ESR2: variants seen among roughly 807,000 people sequenced by gnomAD.
ESR2 encodes estrogen receptor beta.
In ESR2, 36 loss-of-function variants were observed where a neutral mutation model predicts 49.6. That is an observed-to-expected ratio of 0.73 (90% CI 0.56 to 0.96). ESR2 has a LOEUF of 0.96. Ranked by LOEUF, ESR2 falls within the 40% of genes least tolerant of loss-of-function variation. ESR2 has a pLI of 0.00. For synonymous variants in ESR2, 320 were observed against 266.1 expected (o/e 1.20, Z -1.97); for missense variants, 714 against 693.0 (o/e 1.03, Z -0.34).
intron 1 of ESR2, among the ~76,000 whole-genome samples, chr14:64,310,053 T>C (rs1455097377): frequency 1.3e-5 from 2 of 151,896 alleles, no homozygotes; most frequent in Non-Finnish European, 2.9e-5. Flanking sequence ...GCCACTGTAC[T>C]GCAGCCTGGG....
intron 3 of ESR2, among the ~76,000 whole-genome samples, chr14:64,273,094 T>C (rs1386672546): frequency 6.6e-6 from 1 of 152,118 alleles, no homozygotes; most frequent in Admixed American, 6.5e-5. Flanking sequence ...TTCCCAGGTA[T>C]TTTATTTGTA....
chr14:64,274,731 G>A (rs978725155), intron 3 of ESR2, among the ~76,000 whole-genome samples: 1 of 152,082 alleles, frequency 6.6e-6, no homozygotes, highest in Non-Finnish European at 1.5e-5. Flanking sequence ...CTTTTTAGAT[G>A]TAGGCACTTA....
At chr14:64,332,933 G>T (rs2077480789) in intron 1 of ESR2, among the ~76,000 whole-genome samples, 1 of 146,516 alleles carries the variant, frequency 6.8e-6, no homozygotes, top group Non-Finnish European at 1.5e-5. Context: ...GGGTAGGGCA[G>T]TGGCGCGATC....
rs568305168 is a variant in ESR2 at position 64,235,226 on chromosome 14, G to A, written c.1226-76C>T. 425 of 1,496,748 alleles carry A rather than the reference G, an allele frequency of 2.8e-4. 7 individuals carry two copies. The South Asian group carries it at 4.2e-3, about 15-fold the overall frequency. 92.7% of individuals were successfully genotyped at this position (1,496,748 alleles called of 1,614,324 possible). Reference sequence around the variant, plus strand: ...AGTCGTGTGCTCAGCTGTTCCGTGCGCCTGCTCCGAGGTGATCTGGGTTGC... The same window carrying A: ...AGTCGTGTGCTCAGCTGTTCCGTGCACCTGCTCCGAGGTGATCTGGGTTGC... On this transcript the variant is annotated intron_variant, in intron 7 of 8. Coordinates refer to ENST00000341099, the MANE Select transcript of ESR2 (RefSeq NM_001437.3).
chr14:64,334,036 C>T (rs1199505652), intron 1 of ESR2, among the ~76,000 whole-genome samples: 2 of 152,194 alleles, frequency 1.3e-5, no homozygotes, highest in East Asian at 3.9e-4. Flanking sequence ...GCACATATAG[C>T]TTGGAATACC....
At chr14:64,249,131 A>G (rs908109066) in intron 7 of ESR2, among the ~76,000 whole-genome samples, 1 of 152,178 alleles carries the variant, frequency 6.6e-6, no homozygotes, top group Non-Finnish European at 1.5e-5. Context: ...CTCCCTGCCT[A>G]AACTATGAGC....
chr14:64,260,869 C>T, intron 4 of ESR2, 121 bp from the exon 5 acceptor site: 3 of 886,002 alleles, frequency 3.4e-6, no homozygotes, highest in Non-Finnish European at 3.1e-6. Context: ...TGGTCGTGAC[C>T]GTACTAGCAA....
chr14:64,297,673 G>A (rs553099761), upstream of ESR2: 1 of 152,334 alleles, frequency 6.6e-6, no homozygotes, highest in South Asian at 2.1e-4. Context: ...AGATCAGAGG[G>A]AGAATTTTCC....
chr14:64,334,819 G>A (rs568690233), intron 1 of ESR2, among the ~76,000 whole-genome samples: 7 of 152,218 alleles, frequency 4.6e-5, no homozygotes, highest in Non-Finnish European at 8.8e-5. Context: ...GCTAACTTTT[G>A]TATTTTTAGT....
At chr14:64,251,584 A>G (rs2075991170) in intron 6 of ESR2, among the ~76,000 whole-genome samples, 1 of 152,208 alleles carries the variant, frequency 6.6e-6, no homozygotes, top group Admixed American at 6.5e-5. Flanking sequence ...TTTATGTTCC[A>G]AAAATGGGAG....
At chr14:64,233,942 A>G (rs1308546010) in intron 8 of ESR2, 2 of 152,824 alleles carry the variant, frequency 1.3e-5, no homozygotes, top group Non-Finnish European at 2.9e-5. Flanking sequence ...ATGTAAAACC[A>G]TGGCACTAAG....
intron 6 of ESR2, 95 bp downstream of exon 6, chr14:64,257,131 T>G: frequency 3.9e-4 from 447 of 1,143,744 alleles, no homozygotes; most frequent in Non-Finnish European, 5.2e-4. Context: ...CCTGCAAGTG[T>G]GAGATTTTAA....
At chr14:64,280,429 A>G (rs1352207196) in intron 2 of ESR2, among the ~76,000 whole-genome samples, 1 of 152,182 alleles carries the variant, frequency 6.6e-6, no homozygotes, top group Admixed American at 6.5e-5. Flanking sequence ...ACTGCCGAAG[A>G]CCAGTCATAG....
At chr14:64,313,878 C>CA (rs58601573) in intron 1 of ESR2, among the ~76,000 whole-genome samples, 1,404 of 95,756 alleles carry the variant, frequency 0.015, 21 homozygotes, top group African/African-American at 0.038. Context: ...GACTCTGTCT[C>CA]AAAAAAAAAA....
Position 64,260,237 on chromosome 14 carries a change from A to C in ESR2, c.952+212T>G, listed in dbSNP as rs374467714. The C allele has an allele frequency of 2.5e-4, 187 of 759,134 alleles. 4 individuals are homozygous for C. The highest frequency in any genetic ancestry group is 2.0e-3 in the East Asian group (80 of 40,358). 47.0% of individuals were successfully genotyped at this position (759,134 alleles called of 1,614,324 possible). A position where few individuals can be genotyped will look rare whatever the true frequency, so the allele number is the denominator to read the frequency against. The stretch of plus-strand genomic sequence containing the variant: ...TGGGTACAGAACTCAGAAGAGTCTC[A>C]GAATTCTAAATCAGAACACGGCCTT... On this transcript the variant is annotated intron_variant, in intron 5 of 8. Coordinates refer to ENST00000341099, the MANE Select transcript of ESR2 (RefSeq NM_001437.3).
downstream of ESR2, chr14:64,227,370 G>A: frequency 2.8e-6 from 2 of 723,172 alleles, no homozygotes; most frequent in Non-Finnish European, 4.5e-6. Flanking sequence ...TTGTTGGATT[G>A]ATAATAGAAA....
At chr14:64,265,324 A>G (rs898722919) in intron 4 of ESR2, among the ~76,000 whole-genome samples, 4 of 152,216 alleles carry the variant, frequency 2.6e-5, no homozygotes, top group Non-Finnish European at 4.4e-5. Flanking sequence ...GGAAGCTTCT[A>G]TGCACCAGGC....
At chr14:64,291,268 G>C (rs2076866068) in intron 1 of ESR2, among the ~76,000 whole-genome samples, 1 of 152,038 alleles carries the variant, frequency 6.6e-6, no homozygotes, top group Admixed American at 6.6e-5. Flanking sequence ...ACATATACAA[G>C]TCCAGCAATC....
downstream of ESR2, chr14:64,227,910 T>G: frequency 6.3e-7 from 1 of 1,597,770 alleles, no homozygotes; most frequent in African/African-American, 1.3e-5. Context: ...TTCAAATGAA[T>G]GAATTGCTTT....
Sources: gnomAD v4.1 joint callset for allele counts (sites outside exome capture counted in the v4.1 genomes callset) on GRCh38, gnomAD v4.1.1 for gene constraint, MANE v1.5 for transcripts, NCBI Gene and HGNC (gene_info 2026-07-23, HGNC 2026-07-21) for gene names.